ARHGEF10: variants seen among roughly 807,000 people sequenced by gnomAD.
ARHGEF10 encodes the protein Rho guanine nucleotide exchange factor 10.
In ARHGEF10, 140 loss-of-function variants were observed where a neutral mutation model predicts 147.4. The ratio of observed to expected loss-of-function variants is 0.95; its 90% CI spans 0.83 to 1.09. ARHGEF10 has a LOEUF of 1.09. ARHGEF10 is among the 50% of genes least tolerant of loss of function. The pLI is 0.00. For synonymous variants in ARHGEF10, 902 were observed against 695.8 expected (o/e 1.30, Z -4.67); for missense variants, 2,222 against 1,752.7 (o/e 1.27, Z -4.78).
intron 6 of ARHGEF10, 30 bp from the exon 7 acceptor site, chr8:1,869,164 G>T (rs780696507): frequency 5.5e-5 from 88 of 1,600,394 alleles, no homozygotes; most frequent in Non-Finnish European, 7.4e-5. Context: ...GTTGGTCACT[G>T]TTTAAAGTGT....
intron 2 of ARHGEF10, among the ~76,000 whole-genome samples, chr8:1,844,124 C>T (rs1278327133): frequency 6.6e-6 from 1 of 152,020 alleles, no homozygotes; most frequent in Non-Finnish European, 1.5e-5. Context: ...GCCTGGTGTC[C>T]GTTGCAGGTC....
intron 2 of ARHGEF10, among the ~76,000 whole-genome samples, chr8:1,854,439 C>T (rs924697625): frequency 4.6e-5 from 7 of 152,200 alleles, no homozygotes; most frequent in African/African-American, 1.7e-4. Flanking sequence ...TTTTTTCTTA[C>T]TGGAACTGAA....
chr8:1,874,651 C>G (rs1260297276), intron 7 of ARHGEF10, among the ~76,000 whole-genome samples: 3 of 151,792 alleles, frequency 2.0e-5, no homozygotes, highest in African/African-American at 7.3e-5. Flanking sequence ...ACAGTGCAGA[C>G]ACACACCAGG....
chr8:1,848,698 C>G (rs564466080), intron 2 of ARHGEF10, among the ~76,000 whole-genome samples: 135 of 152,114 alleles, frequency 8.9e-4, no homozygotes, highest in African/African-American at 2.9e-3. Flanking sequence ...AGACAAGTCA[C>G]GAAAAAGAAA....
Position 1,909,397 on chromosome 8 carries a change from C to A in ARHGEF10, c.2070C>A (p.Gly690=), listed in dbSNP as rs780157862. The A allele has an allele frequency of 6.8e-6, 11 of 1,614,032 alleles. No homozygotes were observed. In the Admixed American group the frequency reaches 1.2e-4, roughly 17 times the overall value. Residue 690 remains glycine (G), a synonymous_variant, in exon 18 of 29, where the codon GGC becomes GGA. Transcript: ENST00000349830. ...CCATCGAGTATGGCAGCAGCGCAGG[C>A]ACGGGCGAGCACAGCAGGCACCTTG... is the stretch of plus-strand genomic sequence containing the variant. ...VDAIEYGSSA[G]TGEHSRHLAV...
intron 12 of ARHGEF10, 70 bp downstream of exon 12, chr8:1,893,716 C>A: frequency 8.1e-7 from 1 of 1,239,958 alleles, no homozygotes; most frequent in Non-Finnish European, 1.2e-6. Context: ...CATTTTGATC[C>A]ATAAATGCAA....
rs764267052 is a variant in ARHGEF10, at chr8:1,957,146, G to A, written c.3918G>A (p.Ala1306=). Residue 1306 remains alanine (A), a synonymous_variant, in exon 29 of 29, where the codon GCG becomes GCA. Coordinates refer to ENST00000349830, the MANE Select transcript of ARHGEF10 (RefSeq NM_014629.4). ...RRAKKAKASS[A]LVVCGGQGHR... ...CCAAGAAAGCCAAGGCCAGCTCGGC[G>A]CTGGTGGTCTGTGGAGGGCAGGGCC... is the stretch of plus-strand genomic sequence containing the variant. 22 of 1,612,768 alleles carry A rather than the reference G, an allele frequency of 1.4e-5. No homozygotes were observed. The highest frequency in any genetic ancestry group is 2.7e-5 in the African/African-American group (2 of 75,056).
At chr8:1,910,362 C>T (rs1563272085) in intron 18 of ARHGEF10, among the ~76,000 whole-genome samples, 1 of 152,208 alleles carries the variant, frequency 6.6e-6, no homozygotes, top group African/African-American at 2.4e-5. Context: ...GTCTAATTCG[C>T]TTTGGGACCG....
At chr8:1,924,431 C>A (rs1214711109) in intron 21 of ARHGEF10, among the ~76,000 whole-genome samples, 2 of 152,204 alleles carry the variant, frequency 1.3e-5, no homozygotes, top group African/African-American at 4.8e-5. Flanking sequence ...TGTACTTATA[C>A]ACATGCTTAC....
At chr8:1,912,328 G>A (rs1329556587) in intron 18 of ARHGEF10, among the ~76,000 whole-genome samples, 2 of 151,710 alleles carry the variant, frequency 1.3e-5, no homozygotes, top group African/African-American at 2.4e-5. Context: ...TGCATTTGCT[G>A]TGTGGTGTTA....
chr8:1,865,948 G>A (rs1423859010), intron 5 of ARHGEF10, among the ~76,000 whole-genome samples: 1 of 152,218 alleles, frequency 6.6e-6, no homozygotes, highest in Admixed American at 6.5e-5. Flanking sequence ...GGTGTGTGCA[G>A]TGAGTCTGAC....
chr8:1,842,084 C>G (rs370080656), intron 1 of ARHGEF10, among the ~76,000 whole-genome samples: 5 of 147,526 alleles, frequency 3.4e-5, no homozygotes, highest in East Asian at 4.0e-4. Flanking sequence ...GAACTGGGGC[C>G]GCGAGGCGCC....
intron 17 of ARHGEF10, among the ~76,000 whole-genome samples, chr8:1,907,124 G>C (rs1455782860): frequency 6.6e-6 from 1 of 152,192 alleles, no homozygotes; most frequent in African/African-American, 2.4e-5. Flanking sequence ...GGTGTGGGCT[G>C]CTCTAGAGGA....
intron 1 of ARHGEF10, among the ~76,000 whole-genome samples, chr8:1,841,105 C>T (rs939725700): frequency 6.6e-6 from 1 of 152,258 alleles, no homozygotes; most frequent in Non-Finnish European, 1.5e-5. Context: ...GCCACCCGCC[C>T]TCAGCTGTAG....
chr8:1,867,658 C>T (rs944805437), intron 6 of ARHGEF10, among the ~76,000 whole-genome samples: 5 of 152,204 alleles, frequency 3.3e-5, no homozygotes, highest in African/African-American at 1.2e-4. Context: ...GCAGTCCCAC[C>T]TGCGGCTTCA....
intron 26 of ARHGEF10, among the ~76,000 whole-genome samples, chr8:1,944,090 G>GCCTCCCTCA (rs1814341406): frequency 6.6e-6 from 1 of 151,206 alleles, no homozygotes; most frequent in East Asian, 2.0e-4. Context: ...CACCTCCCTC[G>GCCTCCCTCA]GGACCCCAGC....
intron 7 of ARHGEF10, chr8:1,876,206 A>G (rs1563214871): frequency 3.2e-6 from 1 of 307,782 alleles, no homozygotes; most frequent in Non-Finnish European, 6.2e-6. Flanking sequence ...AATTTTCAAA[A>G]CATCCTGTAA....
chr8:1,881,476 G>A (rs941477198), intron 9 of ARHGEF10, among the ~76,000 whole-genome samples: 1 of 152,234 alleles, frequency 6.6e-6, no homozygotes, highest in African/African-American at 2.4e-5. Context: ...GGCATCGGGC[G>A]GGAGGCAGGG....
intron 17 of ARHGEF10, 64 bp downstream of exon 17, chr8:1,905,780 C>T: frequency 1.3e-6 from 2 of 1,590,614 alleles, no homozygotes; most frequent in South Asian, 1.1e-5. Flanking sequence ...CCTAAGGGCA[C>T]ATGCATGACT....
Sources: allele counts gnomAD v4.1 joint callset (sites outside exome capture counted in the v4.1 genomes callset), GRCh38; gene constraint gnomAD v4.1.1; transcripts MANE v1.5; gene names NCBI Gene and HGNC (gene_info 2026-07-23, HGNC 2026-07-21).